PRAG1: variants seen among roughly 807,000 people sequenced by gnomAD.
PRAG1 encodes inactive tyrosine-protein kinase PRAG1.
PRAG1 carries 110 observed loss-of-function variants against 95.6 expected under a neutral mutation model. That is an observed-to-expected ratio of 1.15 (90% CI 0.99 to 1.35). The LOEUF is 1.35. Among genes scored for constraint, PRAG1 ranks in the 40% most tolerant of loss-of-function variants. The probability of loss-of-function intolerance (pLI) is 0.00; values close to 1 mark genes in which losing one functional copy is unlikely to be tolerated. For synonymous variants in PRAG1, 1,052 were observed against 819.4 expected (o/e 1.28, Z -4.85); for missense variants, 2,554 against 1,864.7 (o/e 1.37, Z -6.81).
At chr8:8,359,982 C>A (rs933226717) in intron 3 of PRAG1, among the ~76,000 whole-genome samples, 1 of 152,142 alleles carries the variant, frequency 6.6e-6, no homozygotes, top group Non-Finnish European at 1.5e-5. Context: ...TCTCCTTTGA[C>A]CCTGGAAACT....
At chr8:8,336,653 T>G (rs1798991868) in intron 4 of PRAG1, among the ~76,000 whole-genome samples, 1 of 152,124 alleles carries the variant, frequency 6.6e-6, no homozygotes, top group Admixed American at 6.5e-5. Flanking sequence ...TGTAACAAAG[T>G]AAGAGATTTC....
At position 8,318,435 on chromosome 8, in the gene PRAG1, T is replaced by G. The variant is rs905301433; in HGVS notation, c.3940A>C (p.Lys1314Gln). 3.1e-6 allele frequency: 5 copies of G among 1,612,524 alleles called. No homozygotes were observed. The African/African-American group carries it at 5.3e-5, about 17-fold the overall frequency. ...TTGGCCTCGCCGATGCGGATACGCT[T>G]GATGGGGTCGGCCTCCAGTAGCAGA... ...AHLLLEADPI[K>Q]RIRIGEAKRV... Residue 1314 changes from lysine to glutamine, a missense_variant, in exon 6 of 6, where the codon AAG becomes CAG. Lys to Gln is a moderately conservative substitution (Grantham distance 53). Transcript: ENST00000615670. This position sits in a 1 kb window ranked among gnomAD's most constrained non-coding sequence, Gnocchi z 4.2.
intron 1 of PRAG1, among the ~76,000 whole-genome samples, 174 bp downstream of exon 1, chr8:8,386,147 C>G (rs576616120): frequency 0.014 from 2,102 of 152,256 alleles, 12 homozygotes; most frequent in Non-Finnish European, 0.017. Context: ...CTCCCTGCAC[C>G]TCGGGCACCA....
intron 3 of PRAG1, among the ~76,000 whole-genome samples, chr8:8,372,991 A>G (rs1800261740): frequency 6.6e-6 from 1 of 152,178 alleles, no homozygotes; most frequent in Admixed American, 6.5e-5. Flanking sequence ...TAACGCACAT[A>G]ATGAAGCTGA....
At chr8:8,383,702 T>C (rs1238176258) in intron 1 of PRAG1, among the ~76,000 whole-genome samples, 2 of 152,210 alleles carry the variant, frequency 1.3e-5, no homozygotes, top group African/African-American at 2.4e-5. Context: ...TCCTTTTCTT[T>C]AAGAAGACTG....
At chr8:8,321,447 A>G (rs1798469802) in intron 5 of PRAG1, among the ~76,000 whole-genome samples, 1 of 152,166 alleles carries the variant, frequency 6.6e-6, no homozygotes. Context: ...ATTTGCAGCA[A>G]TGGTGGTGGG....
intron 5 of PRAG1, among the ~76,000 whole-genome samples, chr8:8,321,871 G>GT: frequency 6.6e-6 from 1 of 152,284 alleles, no homozygotes; most frequent in East Asian, 1.9e-4. Flanking sequence ...ATAGTGAACC[G>GT]TTTTTCCTAG....
chr8:8,369,652 G>A (rs1281409924), intron 3 of PRAG1, among the ~76,000 whole-genome samples: 1 of 151,534 alleles, frequency 6.6e-6, no homozygotes, highest in East Asian at 1.9e-4. Flanking sequence ...GGTTAAGCAT[G>A]CACTTTACCT....
In PRAG1 at chr8:8,339,563, G is replaced by A; in HGVS notation, c.2235C>T (p.Ser745=). The change falls in exon 4 of 6, where the codon AGC becomes AGT. Residue 745 remains serine, a synonymous_variant. Transcript: ENST00000615670. The part of the protein sequence containing the change: ...KVSQGSAESL[S]PSFRGVHVSF... ...TGACGTGGACACCCCTGAAGGATGG[G>A]CTGAGGCTTTCTGCAGAGCCCTGGC... 2 of 1,614,202 alleles carry A rather than the reference G, an allele frequency of 1.2e-6. No homozygotes were observed. Among genetic ancestry groups the A allele is most frequent in the Middle Eastern group, 1.6e-4 (1 of 6,062 alleles).
intron 4 of PRAG1, 124 bp from the exon 5 acceptor site, chr8:8,328,585 T>TTTTCTG (rs1563228975): frequency 1.9e-6 from 2 of 1,045,482 alleles, no homozygotes; most frequent in East Asian, 2.6e-5. Context: ...ATGTTACTTC[T>TTTTCTG]TTTCTATTTC....
Position 8,318,337 on chromosome 8 carries a change from C to A in PRAG1, c.4038G>T (p.Ala1346=). 1 of 1,614,082 alleles carries A rather than the reference C, an allele frequency of 6.2e-7. No homozygotes were observed. Among genetic ancestry groups the A allele is most frequent in the Non-Finnish European group, 8.5e-7 (1 of 1,179,950 alleles). The change falls in exon 6 of 6, where the codon GCG becomes GCT. Residue 1346 remains alanine (A), a synonymous_variant. Transcript: ENST00000615670. This position sits in a 1 kb window ranked among gnomAD's most constrained non-coding sequence, Gnocchi z 4.2. ...TCCAGTTGTGCAGCGTGCCGCACAGCGCCTCCTCCGAGGTGCCCGGCTGCT... is the reference window on the plus strand; with the variant it reads ...TCCAGTTGTGCAGCGTGCCGCACAGAGCCTCCTCCGAGGTGCCCGGCTGCT... ...LVQQPGTSEE[A]LCGTLHNWID... is the part of the protein sequence containing the mutation.
chr8:8,353,110 T>G (rs1017416822), intron 3 of PRAG1, among the ~76,000 whole-genome samples: 2 of 152,176 alleles, frequency 1.3e-5, no homozygotes, highest in African/African-American at 4.8e-5. Flanking sequence ...GATAGCAGTA[T>G]AATTATAGTA....
intron 3 of PRAG1, among the ~76,000 whole-genome samples, chr8:8,345,125 T>C (rs1799293031): frequency 6.7e-6 from 1 of 148,624 alleles, no homozygotes; most frequent in African/African-American, 2.5e-5. Flanking sequence ...AAGTGGACTT[T>C]GGTAAATCTT....
chr8:8,342,530 G>A (rs1799207411), intron 3 of PRAG1, among the ~76,000 whole-genome samples: 1 of 152,108 alleles, frequency 6.6e-6, no homozygotes, highest in South Asian at 2.1e-4. Flanking sequence ...GAAACATTAT[G>A]TGTTCTCTGA....
intron 3 of PRAG1, among the ~76,000 whole-genome samples, chr8:8,367,832 G>A (rs538203527): frequency 1.3e-5 from 2 of 152,114 alleles, no homozygotes; most frequent in East Asian, 1.9e-4. Context: ...TAGTAGAGAC[G>A]GGGTTTCACC....
chr8:8,381,920 A>C (rs1034493173), intron 1 of PRAG1, 86 bp from the exon 2 acceptor site: 6 of 555,984 alleles, frequency 1.1e-5, no homozygotes, highest in African/African-American at 1.9e-5. Context: ...CTATTTGATC[A>C]GGGAGAAGGA....
rs565227789 is a variant in PRAG1, at chr8:8,376,835, G to C, written c.1574C>G (p.Ser525Cys). 4.0e-5 allele frequency: 65 copies of C among 1,612,722 alleles called. No individual in the cohort carries two copies. The East Asian group carries it at 1.4e-3, about 35-fold the overall frequency. ...GGCACTGTGAGCATGGCTTTCCCTG[G>C]AGCTCAGCCCCTGCCCAGCCGAAGT... ...EETSAGQGLSSRESHAHSASE... is the reference protein window; with the variant it reads ...EETSAGQGLSCRESHAHSASE... The change falls in exon 3 of 6, where the codon TCC becomes TGC. Residue 525 changes from serine to cysteine, a missense_variant. By Grantham distance (112) the Ser-to-Cys change is moderately radical (BLOSUM62 -1). Transcript: ENST00000615670.
chr8:8,324,938 C>CGCT (rs1024556728), intron 5 of PRAG1, among the ~76,000 whole-genome samples: 2 of 152,168 alleles, frequency 1.3e-5, no homozygotes, highest in African/African-American at 4.8e-5. Context: ...TGCTGCAGGG[C>CGCT]GCTGAGCCCA....
In PRAG1 at chr8:8,318,246, C is replaced by A. The variant is rs1245250315; in HGVS notation, c.4129G>T (p.Val1377Leu). 1.2e-6 allele frequency: 2 copies of A among 1,614,058 alleles called. No homozygotes were observed. The highest frequency in any genetic ancestry group is 8.5e-7 in the Non-Finnish European group (1 of 1,180,022). ...CAGCAAAGCCAGTCCTCCAGCTCCA[C>A]GCCCCGCCTGCGATCCACCGCCTTC... ...AEKAVDRRRGVELEDWLCCQY... is the reference protein window; with the variant it reads ...AEKAVDRRRGLELEDWLCCQY... The change falls in exon 6 of 6, where the codon GTG becomes TTG. Residue 1377 changes from valine (V) to leucine (L), a missense_variant. Transcript: ENST00000615670. The surrounding 1 kb of genome is among the most constrained non-coding windows in gnomAD (Gnocchi z 4.2).
Sources: gnomAD v4.1 joint callset for allele counts (sites outside exome capture counted in the v4.1 genomes callset) on GRCh38, gnomAD v4.1.1 for gene constraint, Gnocchi (gnomAD v3.1) non-coding constraint, MANE v1.5 for transcripts, NCBI Gene and HGNC (gene_info 2026-07-23, HGNC 2026-07-21) for gene names.